The following KLHDC7A variants were observed in gnomAD, a reference collection of about 807,000 sequenced individuals.
KLHDC7A encodes kelch domain-containing protein 7A.
For synonymous variants in KLHDC7A, 464 were observed against 461.0 expected (o/e 1.01, Z -0.08); for missense variants, 1,123 against 1,052.6 (o/e 1.07, Z -0.93).
At position 18,484,731 on chromosome 1, in the gene KLHDC7A, T is replaced by TG. The variant is rs1371997713; in HGVS notation, c.*1417dup. The TG allele has an allele frequency of 6.0e-6, 1 of 166,968 alleles. No homozygotes were observed. The highest frequency in any genetic ancestry group is 1.5e-5 in the Non-Finnish European group (1 of 68,246). The allele number at this position is 166,968 out of a possible 1,614,324, so 10.3% of individuals were successfully genotyped here. ...CTGCTGGTGCCCAGGCTGTGGGTCT[T>TG]GTTGGAAGAAGCAGGACTGGAACAA... On this transcript the variant is annotated 3_prime_UTR_variant, in exon 1 of 1. Transcript: ENST00000400664.
In KLHDC7A at chr1:18,483,609, G is replaced by C. The variant is rs2086914826; in HGVS notation, c.*294G>C. The C allele has an allele frequency of 1.5e-6, 2 of 1,316,026 alleles. No individual in the cohort carries two copies. Among genetic ancestry groups the C allele is most frequent in the South Asian group, 1.7e-5 (1 of 57,836 alleles). The allele number at this position is 1,316,026 out of a possible 1,614,324, so 81.5% of individuals were successfully genotyped here. A position where few individuals can be genotyped will look rare whatever the true frequency, so the allele number is the denominator to read the frequency against. ...GCCCTTGCTTCAACTCTGAATTCTTGGGGGGATACACCGGGACCCCACCAA... is the reference window on the plus strand; with the variant it reads ...GCCCTTGCTTCAACTCTGAATTCTTCGGGGGATACACCGGGACCCCACCAA... On this transcript the variant is annotated 3_prime_UTR_variant, in exon 1 of 1. Transcript: ENST00000400664.
Position 18,482,950 on chromosome 1 carries a change from T to C in KLHDC7A, c.1969T>C (p.Trp657Arg). Reference protein sequence around the residue: ...LFRFSAQEQRWWAGPTGGSKD... With the variant: ...LFRFSAQEQRRWAGPTGGSKD... ...CCGCTTCTCTGCGCAGGAGCAGCGC[T>C]GGTGGGCCGGCCCCACCGGGGGCAG... Residue 657 changes from tryptophan (W) to arginine (R), a missense_variant, in exon 1 of 1, where the codon TGG becomes CGG. Coordinates refer to ENST00000400664, the MANE Select transcript of KLHDC7A (RefSeq NM_152375.3). 6.2e-7 allele frequency: 1 copy of C among 1,612,104 alleles called. No individual in the cohort carries two copies. Among genetic ancestry groups the C allele is most frequent in the Non-Finnish European group, 8.5e-7 (1 of 1,179,650 alleles).
chr1:18,482,339 C>A lies in KLHDC7A; in HGVS notation c.1358C>A (p.Ala453Glu), dbSNP rs77562571. 2.0e-3 allele frequency: 3,205 copies of A among 1,602,276 alleles called. 71 individuals carry two copies. The African/African-American group carries it at 0.038, about 19-fold the overall frequency. ...KRQNLEALKE[A>E]AYKVMSENYL... ...CAGAACCTGGAGGCCCTGAAAGAGG[C>A]GGCCTACAAGGTGATGAGCGAAAAC... Residue 453 changes from alanine (A) to glutamate (E), a missense_variant, in exon 1 of 1, where the codon GCG becomes GAG. Coordinates refer to ENST00000400664, the MANE Select transcript of KLHDC7A (RefSeq NM_152375.3).
In KLHDC7A at chr1:18,484,991, C is replaced by T. The variant is rs1385858971; in HGVS notation, c.*1676C>T. ...AAGGGAAAGTCAGCTGGGGCCATGG[C>T]TACCTTCTTGGGAGAGTGACCCCTG... On this transcript the variant is annotated 3_prime_UTR_variant, in exon 1 of 1. Transcript: ENST00000400664. 1.2e-5 allele frequency: 2 copies of T among 167,088 alleles called. No individual in the cohort carries two copies. Among genetic ancestry groups the T allele is most frequent in the Non-Finnish European group, 2.9e-5 (2 of 68,166 alleles). 10.4% of individuals were successfully genotyped at this position (167,088 alleles called of 1,614,324 possible).
rs2086927948 is a variant in KLHDC7A at position 18,485,612 on chromosome 1, A to C, written c.*2297A>C. On this transcript the variant is annotated 3_prime_UTR_variant, in exon 1 of 1. Transcript: ENST00000400664. Reference sequence around the variant, plus strand: ...TGTCCCAGGCAGTCACTACCTATAGATTAGAGCTGATGTGCTGGCCTGGGG... The same window carrying C: ...TGTCCCAGGCAGTCACTACCTATAGCTTAGAGCTGATGTGCTGGCCTGGGG... 1 of 164,092 alleles carries C rather than the reference A, an allele frequency of 6.1e-6. No homozygotes were observed. The highest frequency in any genetic ancestry group is 1.5e-5 in the Non-Finnish European group (1 of 67,682). The allele number at this position is 164,092 out of a possible 1,614,324, so 10.2% of individuals were successfully genotyped here. A position where few individuals can be genotyped will look rare whatever the true frequency, so the allele number is the denominator to read the frequency against.
At position 18,481,283 on chromosome 1, in the gene KLHDC7A, G is replaced by A. The variant is rs2086886718; in HGVS notation, c.302G>A (p.Arg101Lys). Residue 101 changes from arginine (R) to lysine (K), a missense_variant, in exon 1 of 1, where the codon AGA becomes AAA. Physicochemically the swap from Arg to Lys is conservative, Grantham distance 26 (BLOSUM62 2). Coordinates refer to ENST00000400664, the MANE Select transcript of KLHDC7A (RefSeq NM_152375.3). ...CAGGGCTGCAGCTGTGAGAATCCAA[G>A]AGGCCCCTATGTCCTGGTCACGGGG... ...APQGCSCENP[R>K]GPYVLVTGAT... 1 of 1,585,146 alleles carries A rather than the reference G, an allele frequency of 6.3e-7. No homozygotes were observed. Among genetic ancestry groups the A allele is most frequent in the Non-Finnish European group, 8.6e-7 (1 of 1,166,088 alleles).
Position 18,482,195 on chromosome 1 carries a change from C to T in KLHDC7A, c.1214C>T (p.Pro405Leu), listed in dbSNP as rs778404666. The T allele has an allele frequency of 1.4e-5, 23 of 1,610,992 alleles. No homozygotes were observed. The South Asian group carries it at 1.8e-4, about 12-fold the overall frequency. The change falls in exon 1 of 1, where the codon CCC becomes CTC. Residue 405 changes from proline to leucine, a missense_variant. Transcript: ENST00000400664. ...GGCTTAGGCAGAAGCAGCCGGGAGCCCCATGTGCAGCCGGTGGCCGGGACC... is the reference window on the plus strand; with the variant it reads ...GGCTTAGGCAGAAGCAGCCGGGAGCTCCATGTGCAGCCGGTGGCCGGGACC... ...LPGLGRSSRE[P>L]HVQPVAGTNF...
chr1:18,483,854 C>G lies in KLHDC7A; in HGVS notation c.*539C>G. 1 of 1,256,140 alleles carries G rather than the reference C, an allele frequency of 8.0e-7. No homozygotes were observed. The highest frequency in any genetic ancestry group is 1.0e-6 in the Non-Finnish European group (1 of 967,408). The allele number at this position is 1,256,140 out of a possible 1,614,324, so 77.8% of individuals were successfully genotyped here. On this transcript the variant is annotated 3_prime_UTR_variant, in exon 1 of 1. Transcript: ENST00000400664. The stretch of plus-strand genomic sequence containing the variant: ...GACTTGGGCAGGGCCAGGAAGGAGC[C>G]GAGGGAGCCCCAGGGGCCCTGGCCA...
rs776411806 is a variant in KLHDC7A at position 18,482,987 on chromosome 1, C to T, written c.2006C>T (p.Thr669Met). 1.2e-6 allele frequency: 2 copies of T among 1,613,032 alleles called. No homozygotes were observed. Among genetic ancestry groups the T allele is most frequent in the Admixed American group, 1.7e-5 (1 of 60,008 alleles). ...CCCACCGGGGGCAGCAAGGACCGCA[C>T]GGCCGAGATGGTGGCGGTCAACGGC... The part of the protein sequence containing the change: ...AGPTGGSKDR[T>M]AEMVAVNGFL... Residue 669 changes from threonine to methionine, a missense_variant, in exon 1 of 1, where the codon ACG (threonine) becomes ATG (methionine). Transcript: ENST00000400664.
Position 18,482,354 on chromosome 1 carries a change from T to G in KLHDC7A, c.1373T>G (p.Met458Arg). Residue 458 changes from methionine (M) to arginine (R), a missense_variant, in exon 1 of 1, where the codon ATG becomes AGG. By Grantham distance (91) the Met-to-Arg change is moderately conservative. Coordinates refer to ENST00000400664, the MANE Select transcript of KLHDC7A (RefSeq NM_152375.3). The part of the protein sequence containing the change: ...EALKEAAYKV[M>R]SENYLQVLRS... ...CTGAAAGAGGCGGCCTACAAGGTGATGAGCGAAAACTACCTGCAGGTGCTG... is the reference window on the plus strand; with the variant it reads ...CTGAAAGAGGCGGCCTACAAGGTGAGGAGCGAAAACTACCTGCAGGTGCTG... 8 of 1,602,862 alleles carry G rather than the reference T, an allele frequency of 5.0e-6. No homozygotes were observed. Among genetic ancestry groups the G allele is most frequent in the Non-Finnish European group, 6.8e-6 (8 of 1,179,938 alleles).
In KLHDC7A at chr1:18,481,866, A is replaced by G. The variant is rs2086892857; in HGVS notation, c.885A>G (p.Glu295=). 6.2e-7 allele frequency: 1 copy of G among 1,613,908 alleles called. No homozygotes were observed. The highest frequency in any genetic ancestry group is 2.2e-5 in the East Asian group (1 of 44,868). Residue 295 remains glutamate (E), a synonymous_variant, in exon 1 of 1, where the codon GAA becomes GAG. Transcript: ENST00000400664. ...GCAAGGTGTACGACTACTATGTGGA[A>G]TCTACCTCTCAGGCCATCTTCCAGG... ...LKGKVYDYYV[E]STSQAIFQGR...
Position 18,480,945 on chromosome 1 carries a change from T to A in KLHDC7A, c.-37T>A. The A allele has an allele frequency of 6.6e-7, 1 of 1,522,930 alleles. No individual in the cohort carries two copies. Among genetic ancestry groups the A allele is most frequent in the East Asian group, 2.3e-5 (1 of 43,170 alleles). 94.3% of individuals were successfully genotyped at this position (1,522,930 alleles called of 1,614,324 possible). ...CCTACTGGGCAATTATTAATCAGAT[T>A]CTTGACATTCCTCAGCCCCAGGTTG... On this transcript the variant is annotated 5_prime_UTR_variant, in exon 1 of 1. Transcript: ENST00000400664.
In KLHDC7A at chr1:18,481,010, A is replaced by C. The variant is rs2086884416; in HGVS notation, c.29A>C (p.Asp10Ala). The C allele has an allele frequency of 3.7e-6, 6 of 1,608,154 alleles. No individual in the cohort carries two copies. Among genetic ancestry groups the C allele is most frequent in the Non-Finnish European group, 5.1e-6 (6 of 1,176,872 alleles). Residue 10 changes from aspartate (D) to alanine (A), a missense_variant, in exon 1 of 1, where the codon GAC (aspartate) becomes GCC (alanine). Coordinates refer to ENST00000400664, the MANE Select transcript of KLHDC7A (RefSeq NM_152375.3). ...TTCCCCAGAGGAGCAGAGGCCCAGG[A>C]CTGGCATTTGGATATGCAGCTGACC... The part of the protein sequence containing the change: MFPRGAEAQ[D>A]WHLDMQLTGK...
At position 18,482,527 on chromosome 1, in the gene KLHDC7A, G is replaced by A; in HGVS notation, c.1546G>A (p.Asp516Asn). 1.9e-6 allele frequency: 3 copies of A among 1,612,196 alleles called. No individual in the cohort carries two copies. The highest frequency in any genetic ancestry group is 2.5e-6 in the Non-Finnish European group (3 of 1,179,938). The change falls in exon 1 of 1, where the codon GAT becomes AAT. Residue 516 changes from aspartate (D) to asparagine (N), a missense_variant. By Grantham distance (23) the Asp-to-Asn change is conservative (BLOSUM62 1). Coordinates refer to ENST00000400664, the MANE Select transcript of KLHDC7A (RefSeq NM_152375.3). The part of the protein sequence containing the change: ...GGLCCYDDEQ[D>N]VWRPLARMPP... ...CCTCTGTTGCTATGACGATGAGCAG[G>A]ATGTCTGGCGCCCGCTGGCTCGCAT...
At position 18,481,045 on chromosome 1, in the gene KLHDC7A, G is replaced by GTGCT. The variant is rs1557444111; in HGVS notation, c.65_68dup (p.Ser24AlafsTer68). On this transcript the variant is annotated frameshift_variant, in exon 1 of 1. Transcript: ENST00000400664. LOFTEE classifies it low-confidence loss of function (END_TRUNC). The stretch of plus-strand genomic sequence containing the variant: ...GGATATGCAGCTGACCGGCAAGGTG[G>GTGCT]TGCTGTCAGCCGCTGCCCTGCTCCT... 1 of 1,613,408 alleles carries GTGCT rather than the reference G, an allele frequency of 6.2e-7. No homozygotes were observed. Among genetic ancestry groups the GTGCT allele is most frequent in the East Asian group, 2.2e-5 (1 of 44,870 alleles).
chr1:18,481,688 C>T lies in KLHDC7A; in HGVS notation c.707C>T (p.Ala236Val). ...TRVIGVSREE[A>V]GALEAASDVD... ...GTGATAGGGGTCAGCAGAGAAGAGG[C>T]TGGGGCTCTCGAGGCTGCCTCCGAT... The change falls in exon 1 of 1, where the codon GCT becomes GTT. Residue 236 changes from alanine (A) to valine (V), a missense_variant. Ala to Val is a moderately conservative substitution (Grantham distance 64). Transcript: ENST00000400664. The T allele has an allele frequency of 6.2e-7, 1 of 1,614,104 alleles. No individual in the cohort carries two copies. The highest frequency in any genetic ancestry group is 8.5e-7 in the Non-Finnish European group (1 of 1,180,034).
In KLHDC7A at chr1:18,482,349, G is replaced by T; in HGVS notation, c.1368G>T (p.Lys456Asn). The change falls in exon 1 of 1, where the codon AAG (lysine) becomes AAT (asparagine). Residue 456 changes from lysine to asparagine, a missense_variant. Physicochemically the swap from Lys to Asn is moderately conservative, Grantham distance 94. Coordinates refer to ENST00000400664, the MANE Select transcript of KLHDC7A (RefSeq NM_152375.3). ...NLEALKEAAYKVMSENYLQVL... is the reference protein window; with the variant it reads ...NLEALKEAAYNVMSENYLQVL... Reference sequence around the variant, plus strand: ...AGGCCCTGAAAGAGGCGGCCTACAAGGTGATGAGCGAAAACTACCTGCAGG... The same window carrying T: ...AGGCCCTGAAAGAGGCGGCCTACAATGTGATGAGCGAAAACTACCTGCAGG... 1 of 1,602,652 alleles carries T rather than the reference G, an allele frequency of 6.2e-7. No homozygotes were observed. The highest frequency in any genetic ancestry group is 1.3e-5 in the African/African-American group (1 of 75,070).
Position 18,481,387 on chromosome 1 carries a change from G to A in KLHDC7A, c.406G>A (p.Val136Met). Residue 136 changes from valine to methionine, a missense_variant, in exon 1 of 1, where the codon GTG becomes ATG. Transcript: ENST00000400664. ...RGGQGSDSEQ[V>M]PPCCPSQETR... ...CGGGCAGGGCTCGGACTCTGAGCAG[G>A]TGCCTCCTTGCTGCCCCAGCCAGGA... The A allele has an allele frequency of 3.7e-6, 6 of 1,612,744 alleles. No individual in the cohort carries two copies. Among genetic ancestry groups the A allele is most frequent in the Non-Finnish European group, 5.1e-6 (6 of 1,179,488 alleles).
Position 18,482,480 on chromosome 1 carries a change from G to GC in KLHDC7A, c.1503dup (p.Lys502GlnfsTer11). The stretch of plus-strand genomic sequence containing the variant: ...CAGTACCTGGTGGTGGCTGACGTGT[G>GC]CCCCAAGGAAGACTCCGGCGGCCTC... On this transcript the variant is annotated frameshift_variant, in exon 1 of 1. Transcript: ENST00000400664. LOFTEE classifies it low-confidence loss of function (END_TRUNC). The GC allele has an allele frequency of 6.2e-7, 1 of 1,611,518 alleles. No homozygotes were observed. Among genetic ancestry groups the GC allele is most frequent in the Non-Finnish European group, 8.5e-7 (1 of 1,179,916 alleles).
Sources: allele counts gnomAD v4.1 joint callset, GRCh38; gene constraint gnomAD v4.1.1; transcripts MANE v1.5; gene names NCBI Gene and HGNC (gene_info 2026-07-23, HGNC 2026-07-21).